COL24A1: variants seen among roughly 807,000 people sequenced by gnomAD.
The protein encoded by COL24A1 is collagen alpha-1(XXIV) chain.
In COL24A1, 224 loss-of-function variants were observed where a neutral mutation model predicts 253.9. The observed-to-expected ratio is 0.88, with a 90% CI of 0.79 to 0.99. The LOEUF (loss-of-function observed/expected upper bound fraction) is 0.99. COL24A1 is among the 50% of genes least tolerant of loss of function. COL24A1 has a pLI of 0.00. For missense variants in COL24A1, 2,131 were observed against 2,068.5 expected (o/e 1.03, Z -0.59); for synonymous variants, 685 against 673.7 (o/e 1.02, Z -0.26).
intron 35 of COL24A1, among the ~76,000 whole-genome samples, chr1:85,870,984 A>C (rs1289491303): frequency 6.6e-6 from 1 of 152,194 alleles, no homozygotes; most frequent in African/African-American, 2.4e-5. Flanking sequence ...GAGAAGAATC[A>C]AATAGATGCA....
intron 41 of COL24A1, among the ~76,000 whole-genome samples, chr1:85,841,588 A>G (rs540688401): frequency 6.6e-6 from 1 of 152,236 alleles, no homozygotes; most frequent in Admixed American, 6.5e-5. Flanking sequence ...ATCATCAAAA[A>G]ATTTTAATCT....
intron 18 of COL24A1, among the ~76,000 whole-genome samples, chr1:86,020,664 A>G (rs1189424869): frequency 6.6e-6 from 1 of 152,190 alleles, no homozygotes; most frequent in African/African-American, 2.4e-5. Context: ...TAGAGCATGT[A>G]TTGTATCATT....
At chr1:85,730,824 G>T in intron 59 of COL24A1, 132 bp from the exon 60 acceptor site, 2 of 855,476 alleles carry the variant, frequency 2.3e-6, no homozygotes, top group Non-Finnish European at 3.6e-6. Context: ...CTAGAACAAT[G>T]CTCAATAAAT....
At chr1:86,132,776 GTA>G (rs1649478956) in intron 2 of COL24A1, among the ~76,000 whole-genome samples, 1 of 152,126 alleles carries the variant, frequency 6.6e-6, no homozygotes, top group Non-Finnish European at 1.5e-5. Flanking sequence ...TAGCTTTGTG[GTA>G]TAGTTTGAAG....
At chr1:85,967,510 G>A (rs1454517648) in intron 22 of COL24A1, among the ~76,000 whole-genome samples, 4 of 152,096 alleles carry the variant, frequency 2.6e-5, no homozygotes, top group African/African-American at 9.7e-5. Context: ...AAAGAAAGAT[G>A]GTGGTTGGGG....
intron 37 of COL24A1, among the ~76,000 whole-genome samples, chr1:85,857,132 G>A (rs1678521852): frequency 1.3e-5 from 2 of 152,088 alleles, no homozygotes; most frequent in Non-Finnish European, 2.9e-5. Flanking sequence ...AATTTGAAAG[G>A]TATCTTTTGT....
intron 24 of COL24A1, among the ~76,000 whole-genome samples, chr1:85,957,646 C>A (rs571041087): frequency 6.6e-6 from 1 of 152,282 alleles, no homozygotes; most frequent in African/African-American, 2.4e-5. Flanking sequence ...CCAAATATAT[C>A]CACTTCTCTT....
At chr1:85,775,794 G>T in intron 52 of COL24A1, 85 bp from the exon 53 acceptor site, 3 of 1,163,218 alleles carry the variant, frequency 2.6e-6, no homozygotes, top group Non-Finnish European at 3.7e-6. Flanking sequence ...GTAGAAACAT[G>T]ACAATTTATA....
intron 24 of COL24A1, among the ~76,000 whole-genome samples, chr1:85,934,202 ATCT>A: frequency 6.6e-6 from 1 of 152,312 alleles, no homozygotes; most frequent in South Asian, 2.1e-4. Flanking sequence ...TGCCTTTATG[ATCT>A]AGCACACATT....
chr1:85,925,961 T>G (rs1687149385), intron 24 of COL24A1, among the ~76,000 whole-genome samples: 1 of 151,878 alleles, frequency 6.6e-6, no homozygotes, highest in South Asian at 2.1e-4. Context: ...TACAAAGAAC[T>G]TAAACAAATT....
chr1:85,805,583 C>A (rs541974291), intron 47 of COL24A1, among the ~76,000 whole-genome samples: 2 of 152,068 alleles, frequency 1.3e-5, no homozygotes, highest in African/African-American at 4.8e-5. Context: ...CTGCCTTTGT[C>A]GTTATGTGAC....
At chr1:85,998,682 G>A (rs1216858623) in intron 19 of COL24A1, among the ~76,000 whole-genome samples, 1 of 152,174 alleles carries the variant, frequency 6.6e-6, no homozygotes, top group Non-Finnish European at 1.5e-5. Context: ...CTGAAGCAAA[G>A]GGCAGGAAGG....
intron 28 of COL24A1, among the ~76,000 whole-genome samples, chr1:85,903,945 A>G (rs1684562917): frequency 6.6e-6 from 1 of 152,178 alleles, no homozygotes. Flanking sequence ...CAGGAGAAGA[A>G]ACCACAGAGG....
intron 45 of COL24A1, among the ~76,000 whole-genome samples, chr1:85,822,692 G>A (rs1673777648): frequency 6.6e-6 from 1 of 152,094 alleles, no homozygotes; most frequent in African/African-American, 2.4e-5. Flanking sequence ...CTTTAGTCAG[G>A]CTCCTGAACC....
intron 24 of COL24A1, among the ~76,000 whole-genome samples, chr1:85,943,640 T>C (rs778399110): frequency 3.5e-4 from 54 of 152,310 alleles, no homozygotes; most frequent in Admixed American, 6.5e-4. Flanking sequence ...ATTGCAACAG[T>C]TGAGCAATAA....
Position 85,886,086 on chromosome 1 carries a change from G to A in COL24A1, c.2976+3474C>T, listed in dbSNP as rs1050054513. Among the ~76,000 whole-genome samples, 51 of 149,864 alleles carry A rather than the reference G, an allele frequency of 3.4e-4. 1 individual carries two copies. The highest frequency in any genetic ancestry group is 1.2e-3 in the African/African-American group (47 of 40,822). On this transcript the variant is annotated intron_variant, in intron 32 of 59. Coordinates refer to ENST00000370571, the MANE Select transcript of COL24A1 (RefSeq NM_152890.7). ...CAATAACTTTTTTTTTTTTTGAGAT[G>A]GAATCTCACTCTATCACCCAGGTTG...
intron 55 of COL24A1, among the ~76,000 whole-genome samples, chr1:85,747,763 C>T (rs1447835224): frequency 2.6e-5 from 4 of 152,016 alleles, no homozygotes; most frequent in African/African-American, 4.8e-5. Context: ...TCATATTATA[C>T]CTTATACCAA....
chr1:86,149,536 A>G (rs547833881), intron 1 of COL24A1, among the ~76,000 whole-genome samples: 1 of 152,330 alleles, frequency 6.6e-6, no homozygotes, highest in South Asian at 2.1e-4. Context: ...CTTAAGTATA[A>G]AGTTGAATGT....
At chr1:85,913,803 A>G (rs780938268) in intron 24 of COL24A1, among the ~76,000 whole-genome samples, 1 of 152,240 alleles carries the variant, frequency 6.6e-6, no homozygotes, top group Non-Finnish European at 1.5e-5. Context: ...AACCCAGTTC[A>G]GGCAGGACTA....
Sources: gnomAD v4.1 joint callset for allele counts (sites outside exome capture counted in the v4.1 genomes callset) on GRCh38, gnomAD v4.1.1 for gene constraint, MANE v1.5 for transcripts, NCBI Gene and HGNC (gene_info 2026-07-23, HGNC 2026-07-21) for gene names.